Variants in ROCK1 observed in about 807,000 individuals in gnomAD.
ROCK1 encodes the protein Rho associated coiled-coil containing protein kinase 1.
A neutral mutation model predicts 196.8 loss-of-function variants in ROCK1; 36 were observed. The observed-to-expected ratio is 0.18, with a 90% CI of 0.14 to 0.24. The LOEUF is 0.24. ROCK1 is among the 10% of genes least tolerant of loss of function. ROCK1 has a pLI of 1.00. For synonymous variants in ROCK1, 443 were observed against 515.9 expected, an observed-to-expected ratio of 0.86 and a Z score of 1.91; for missense variants, 920 against 1,562.0, an observed-to-expected ratio of 0.59 and a Z score of 6.93.
At chr18:20,997,583 G>A (rs2035682875) in intron 16 of ROCK1, among the ~76,000 whole-genome samples, 3 of 152,092 alleles carry the variant, frequency 2.0e-5, no homozygotes, top group African/African-American at 4.8e-5. Flanking sequence ...AGATCACCTA[G>A]ACAGAAAATC....
chr18:21,090,309 C>G (rs2036559361), intron 1 of ROCK1, among the ~76,000 whole-genome samples: 1 of 152,146 alleles, frequency 6.6e-6, no homozygotes, highest in Admixed American at 6.5e-5. Context: ...ATTAAACATT[C>G]AAAAACTAGC....
chr18:21,070,826 G>A (rs1056280963), intron 1 of ROCK1, among the ~76,000 whole-genome samples: 3 of 152,132 alleles, frequency 2.0e-5, no homozygotes, highest in African/African-American at 7.2e-5. Flanking sequence ...GCCAGGCCCA[G>A]GGGCAAGAAA....
At chr18:21,022,761 C>G (rs2035924687) in intron 11 of ROCK1, among the ~76,000 whole-genome samples, 1 of 152,122 alleles carries the variant, frequency 6.6e-6, no homozygotes, top group Non-Finnish European at 1.5e-5. Context: ...CTTTAGTACC[C>G]TTTATTGTTT....
At chr18:21,071,172 T>G (rs1488815240) in intron 1 of ROCK1, among the ~76,000 whole-genome samples, 1 of 132,130 alleles carries the variant, frequency 7.6e-6, no homozygotes, top group Non-Finnish European at 1.5e-5. Flanking sequence ...AGCTTTTGCA[T>G]TTTTTCTGCT....
At chr18:21,022,332 A>C (rs1280586296) in intron 11 of ROCK1, among the ~76,000 whole-genome samples, 2 of 152,206 alleles carry the variant, frequency 1.3e-5, no homozygotes, top group Admixed American at 1.3e-4. Flanking sequence ...TATATAAACA[A>C]CAGAAAGAAC....
chr18:21,018,968 AT>A (rs1379530484), intron 12 of ROCK1, among the ~76,000 whole-genome samples: 1 of 152,158 alleles, frequency 6.6e-6, no homozygotes, highest in Non-Finnish European at 1.5e-5. Flanking sequence ...ACTCAAAGAT[AT>A]TTTTTCTGTG....
intron 32 of ROCK1, among the ~76,000 whole-genome samples, chr18:20,952,117 T>TAA (rs2035193919): frequency 6.6e-6 from 1 of 152,238 alleles, no homozygotes; most frequent in Admixed American, 6.5e-5. Flanking sequence ...GTGCGGTGGC[T>TAA]CATGCCTGTA....
chr18:21,065,893 A>T (rs571113115), intron 2 of ROCK1, among the ~76,000 whole-genome samples: 4,604 of 152,286 alleles, frequency 0.03, 243 homozygotes, highest in African/African-American at 0.1. Flanking sequence ...CAAAGAGATA[A>T]AAATTAACAG....
intron 10 of ROCK1, among the ~76,000 whole-genome samples, chr18:21,028,355 G>A (rs1279644677): frequency 6.6e-6 from 1 of 151,880 alleles, no homozygotes; most frequent in Non-Finnish European, 1.5e-5. Flanking sequence ...GGTGGAGGTT[G>A]CAGTGAGCAA....
At chr18:21,002,945 G>C (rs2035738711) in intron 16 of ROCK1, among the ~76,000 whole-genome samples, 1 of 152,050 alleles carries the variant, frequency 6.6e-6, no homozygotes, top group Admixed American at 6.6e-5. Context: ...TCGTCATGTT[G>C]TTCAGGCTGG....
At chr18:21,097,607 G>A (rs1325405430) in intron 1 of ROCK1, among the ~76,000 whole-genome samples, 2 of 152,122 alleles carry the variant, frequency 1.3e-5, no homozygotes, top group Non-Finnish European at 2.9e-5. Context: ...ATAAAAACCT[G>A]GCCAGCAGAG....
intron 4 of ROCK1, among the ~76,000 whole-genome samples, chr18:21,046,146 G>T (rs78270495): frequency 6.6e-6 from 1 of 151,960 alleles, no homozygotes; most frequent in Admixed American, 6.6e-5. Context: ...TCCTGACCTC[G>T]TGATCCGCCC....
chr18:21,070,106 T>C (rs2036371218), intron 2 of ROCK1, among the ~76,000 whole-genome samples: 1 of 152,056 alleles, frequency 6.6e-6, no homozygotes, highest in Non-Finnish European at 1.5e-5. Context: ...CTAAATCTTA[T>C]CAATTCTTTA....
In ROCK1 at chr18:20,991,299, T is replaced by C; in HGVS notation, c.2020A>G (p.Asn674Asp). ...TGTTGTAATGATTTAAGTTTGTAGT[T>C]TAAATCTATCTCTAAATTATTCTTT... Reference protein sequence around the residue: ...KEKNNLEIDLNYKLKSLQQRL... With the variant: ...KEKNNLEIDLDYKLKSLQQRL... The change falls in exon 18 of 33, where the codon AAC becomes GAC. Residue 674 changes from asparagine to aspartate, a missense_variant. Asn to Asp is a conservative substitution (Grantham distance 23). Transcript: ENST00000399799. 3.1e-6 allele frequency: 5 copies of C among 1,602,930 alleles called. No homozygotes were observed. The highest frequency in any genetic ancestry group is 4.3e-6 in the Non-Finnish European group (5 of 1,172,682).
At chr18:21,046,965 C>A (rs1258740907) in intron 4 of ROCK1, among the ~76,000 whole-genome samples, 1 of 152,102 alleles carries the variant, frequency 6.6e-6, no homozygotes, top group African/African-American at 2.4e-5. Context: ...GGCCACCACA[C>A]CCGGCCCAGA....
At chr18:21,071,311 G>A (rs45502494) in intron 1 of ROCK1, among the ~76,000 whole-genome samples, 22,581 of 151,134 alleles carry the variant, frequency 0.15, 2,320 homozygotes, top group Non-Finnish European at 0.22. Context: ...CTTGAGTAGC[G>A]GGGACTACAG....
intron 12 of ROCK1, among the ~76,000 whole-genome samples, chr18:21,018,736 A>G (rs2035886686): frequency 6.6e-6 from 1 of 152,224 alleles, no homozygotes; most frequent in South Asian, 2.1e-4. Flanking sequence ...AGGAATGGTT[A>G]AAAGTGAGAA....
At chr18:20,987,263 G>GAAATGCTATA (rs2035586272) in intron 18 of ROCK1, among the ~76,000 whole-genome samples, 153 bp from the exon 19 acceptor site, 1 of 152,058 alleles carries the variant, frequency 6.6e-6, no homozygotes, top group Non-Finnish European at 1.5e-5. Context: ...CTCACATTAT[G>GAAATGCTATA]TAAACTATTT....
At chr18:21,042,357 T>C in intron 7 of ROCK1, 122 bp from the exon 8 acceptor site, 1 of 995,600 alleles carries the variant, frequency 1.0e-6, no homozygotes, top group Non-Finnish European at 1.4e-6. Context: ...ACTAAAAACA[T>C]ACACCTAATA....
Sources: gnomAD v4.1 joint callset for allele counts (sites outside exome capture counted in the v4.1 genomes callset) on GRCh38, gnomAD v4.1.1 for gene constraint, MANE v1.5 for transcripts, NCBI Gene and HGNC (gene_info 2026-07-23, HGNC 2026-07-21) for gene names.